The following PRAM1 variants were observed in gnomAD, a reference collection of about 807,000 sequenced individuals.
The protein encoded by PRAM1 is PML-RARA regulated adaptor molecule 1, also known as PML-RARA-regulated adapter molecule 1.
In PRAM1, 41 loss-of-function variants were observed where a neutral mutation model predicts 55.3. That is an observed-to-expected ratio of 0.74 (90% CI 0.58 to 0.96). The LOEUF (loss-of-function observed/expected upper bound fraction) is 0.96. Among genes scored for constraint, PRAM1 ranks in the 40% least tolerant of loss-of-function variants. The pLI, the probability that PRAM1 is intolerant of heterozygous loss-of-function variation, is 0.00. For synonymous variants in PRAM1, 401 were observed against 387.1 expected (o/e 1.04, Z -0.42); for missense variants, 898 against 892.7 (o/e 1.01, Z -0.08).
intron 4 of PRAM1, among the ~76,000 whole-genome samples, chr19:8,496,524 A>C (rs1450715833): frequency 2.0e-5 from 3 of 152,064 alleles, no homozygotes; most frequent in African/African-American, 7.2e-5. Flanking sequence ...CAGGAGCTTG[A>C]GACCAGCCTA....
chr19:8,490,523 G>A lies in PRAM1; in HGVS notation c.1907-14C>T, dbSNP rs769237386. 1 of 1,608,978 alleles carries A rather than the reference G, an allele frequency of 6.2e-7. No individual in the cohort carries two copies. Among genetic ancestry groups the A allele is most frequent in the Non-Finnish European group, 8.5e-7 (1 of 1,177,922 alleles). Reference sequence around the variant, plus strand: ...GCACGTAGCCATCTGTGGAGAGAGTGGGCATGGTGGGTTCTGAGGCCCAGG... The same window carrying A: ...GCACGTAGCCATCTGTGGAGAGAGTAGGCATGGTGGGTTCTGAGGCCCAGG... On this transcript the variant is annotated splice_polypyrimidine_tract_variant and intron_variant, in intron 7 of 9. Transcript: ENST00000423345. The surrounding 1 kb of genome is among the most constrained non-coding windows in gnomAD (Gnocchi z 7.3).
At position 8,490,356 on chromosome 19, in the gene PRAM1, C is replaced by G; in HGVS notation, c.1957G>C (p.Asp653His). Reference protein sequence around the residue: ...ALLPLETEVYDDVDFCDPLEN... With the variant: ...ALLPLETEVYHDVDFCDPLEN... ...CACGTACCGCAGAAGTCGACATCAT[C>G]GTACACCTCCGTCTCCCTGGCAGAG... Residue 653 changes from aspartate (D) to histidine (H), a missense_variant, in exon 9 of 10, where the codon GAT (aspartate) becomes CAT (histidine). Physicochemically the swap from Asp to His is moderately conservative, Grantham distance 81. Coordinates refer to ENST00000423345, the MANE Select transcript of PRAM1 (RefSeq NM_032152.5). The surrounding 1 kb of genome is among the most constrained non-coding windows in gnomAD (Gnocchi z 7.3). The G allele has an allele frequency of 6.2e-7, 1 of 1,614,006 alleles. No individual in the cohort carries two copies. The highest frequency in any genetic ancestry group is 8.5e-7 in the Non-Finnish European group (1 of 1,179,894).
rs201139615 is a variant in PRAM1 at position 8,498,586 on chromosome 19, G to A, written c.1222C>T (p.Pro408Ser). The stretch of plus-strand genomic sequence containing the variant: ...GGTGTCCCAGCCGCTCCAAACCCAG[G>A]GCTGAGCGGGTGCCGGGAGCTGAAG... ...AGFSSRHPLS[P>S]GFGAAGTPRW... The change falls in exon 2 of 10, where the codon CCT becomes TCT. Residue 408 changes from proline to serine, a missense_variant. Coordinates refer to ENST00000423345, the MANE Select transcript of PRAM1 (RefSeq NM_032152.5). The A allele has an allele frequency of 5.0e-6, 8 of 1,612,526 alleles. No homozygotes were observed. The South Asian group carries it at 5.5e-5, about 11-fold the overall frequency.
At chr19:8,501,306 G>A (rs1316563684) in intron 1 of PRAM1, among the ~76,000 whole-genome samples, 4 of 151,092 alleles carry the variant, frequency 2.6e-5, no homozygotes, top group Admixed American at 2.0e-4. Flanking sequence ...TGTTGGCCAG[G>A]CTGGTCTCGA....
At chr19:8,497,943 T>C (rs1181368503) in intron 3 of PRAM1, 103 bp from the exon 4 acceptor site, 11 of 860,202 alleles carry the variant, frequency 1.3e-5, no homozygotes, top group South Asian at 1.8e-5. Flanking sequence ...TGCAGGGGCA[T>C]GATCTCGGGC....
chr19:8,497,955 C>G, intron 3 of PRAM1, 115 bp from the exon 4 acceptor site: 1 of 795,554 alleles, frequency 1.3e-6, no homozygotes, highest in East Asian at 2.8e-5. Context: ...ATCTCGGGCT[C>G]ACTGCAGCCT....
intron 4 of PRAM1, among the ~76,000 whole-genome samples, chr19:8,495,263 C>A (rs748277004): frequency 6.6e-6 from 1 of 152,004 alleles, no homozygotes; most frequent in Non-Finnish European, 1.5e-5. Flanking sequence ...CCACACCTGG[C>A]GAATTTTTGT....
chr19:8,495,707 AT>A (rs1235301712), intron 4 of PRAM1, among the ~76,000 whole-genome samples: 5 of 148,306 alleles, frequency 3.4e-5, no homozygotes, highest in Non-Finnish European at 7.4e-5. Flanking sequence ...TTAAGGACGG[AT>A]TTAAGGACAG....
rs1217990585 is a variant in PRAM1, at chr19:8,498,426, G to A, written c.1382C>T (p.Pro461Leu). Residue 461 changes from proline (P) to leucine (L), a missense_variant, in exon 2 of 10, where the codon CCG (proline) becomes CTG (leucine). Pro to Leu is a moderately conservative substitution (Grantham distance 98). Around this residue, in one of 4 missense-constraint regions of PRAM1, gnomAD observed 787 missense variants for 735.4 expected, o/e 1.07. Transcript: ENST00000423345. ...AAAGCTCTGCATATCCACGGGCCCCGGGGGCAGCGGGGGCTTGGCTGGAGG... is the reference window on the plus strand; with the variant it reads ...AAAGCTCTGCATATCCACGGGCCCCAGGGGCAGCGGGGGCTTGGCTGGAGG... ...GHPPAKPPLP[P>L]GPVDMQSFRR... 3 of 1,574,918 alleles carry A rather than the reference G, an allele frequency of 1.9e-6. No homozygotes were observed. Among genetic ancestry groups the A allele is most frequent in the Non-Finnish European group, 2.6e-6 (3 of 1,159,738 alleles).
At position 8,499,317 on chromosome 19, in the gene PRAM1, G is replaced by C. The variant is rs1014602389; in HGVS notation, c.491C>G (p.Ala164Gly). Residue 164 changes from alanine (A) to glycine (G), a missense_variant, in exon 2 of 10, where the codon GCC becomes GGC. Coordinates refer to ENST00000423345, the MANE Select transcript of PRAM1 (RefSeq NM_032152.5). ...TTCGTCGGGCTGCAGGGGTTTCCGG[G>C]CCGGCGCACCAGGCTCCGGCAGCGA... is the stretch of plus-strand genomic sequence containing the variant. ...KASLPEPGAP[A>G]RKPLQPDELS... The C allele has an allele frequency of 1.4e-5, 23 of 1,610,390 alleles. No individual in the cohort carries two copies. Among genetic ancestry groups the C allele is most frequent in the Non-Finnish European group, 2.0e-5 (23 of 1,178,678 alleles).
rs372935973 is a variant in PRAM1, at chr19:8,490,765, C to T, written c.1744-9G>A. ...ACGATCTCCCCTTCAAACTGGGGCG[C>T]GAGATGTTAGGGCCTCTGCTTGTGC... On this transcript the variant is annotated splice_polypyrimidine_tract_variant and intron_variant, in intron 6 of 9. Transcript: ENST00000423345. This position sits in a 1 kb window ranked among gnomAD's most constrained non-coding sequence, Gnocchi z 7.3. 28 of 1,607,956 alleles carry T rather than the reference C, an allele frequency of 1.7e-5. No individual in the cohort carries two copies. The highest frequency in any genetic ancestry group is 5.0e-5 in the Admixed American group (3 of 59,974).
Position 8,490,183 on chromosome 19 carries a change from C to A in PRAM1, c.*6G>T. The A allele has an allele frequency of 6.4e-7, 1 of 1,570,788 alleles. No homozygotes were observed. ...GCTGGCTGTCCTGGCCCCACGCCTA[C>A]CGGTCTTACCGTCCCAGGGGGAGTG... On this transcript the variant is annotated 3_prime_UTR_variant, in exon 10 of 10. Coordinates refer to ENST00000423345, the MANE Select transcript of PRAM1 (RefSeq NM_032152.5). The surrounding 1 kb of genome is among the most constrained non-coding windows in gnomAD (Gnocchi z 7.3).
chr19:8,497,072 T>C (rs903135977), intron 4 of PRAM1, among the ~76,000 whole-genome samples: 15 of 151,850 alleles, frequency 9.9e-5, no homozygotes, highest in African/African-American at 3.1e-4. Context: ...GATGGATGAA[T>C]GAATGGAACC....
At chr19:8,497,865 C>CTT in intron 3 of PRAM1, 25 bp from the exon 4 acceptor site, 1 of 1,018,672 alleles carries the variant, frequency 9.8e-7, no homozygotes, top group Non-Finnish European at 1.4e-6. Flanking sequence ...GAGATGAGGC[C>CTT]TCTTCTTTTT....
chr19:8,495,685 G>A (rs1156417017), intron 4 of PRAM1, among the ~76,000 whole-genome samples: 2 of 151,878 alleles, frequency 1.3e-5, no homozygotes, highest in African/African-American at 2.4e-5. Flanking sequence ...CTTTGGAGTG[G>A]AGGGTACGGA....
intron 1 of PRAM1, among the ~76,000 whole-genome samples, chr19:8,500,317 A>T (rs970136699): frequency 6.6e-6 from 1 of 151,726 alleles, no homozygotes; most frequent in East Asian, 1.9e-4. Context: ...CCGGAATCCA[A>T]CCACTTCTCA....
chr19:8,490,814 C>T lies in PRAM1; in HGVS notation c.1744-58G>A. On this transcript the variant is annotated intron_variant, in intron 6 of 9. Coordinates refer to ENST00000423345, the MANE Select transcript of PRAM1 (RefSeq NM_032152.5). This position sits in a 1 kb window ranked among gnomAD's most constrained non-coding sequence, Gnocchi z 7.3. ...GCTGCCGCCCTTGGGCCCCTGTCTT[C>T]TTTCTGAGCCTGGGATCGGTGGGAC... is the stretch of plus-strand genomic sequence containing the variant. 1 of 1,607,402 alleles carries T rather than the reference C, an allele frequency of 6.2e-7. No homozygotes were observed. The highest frequency in any genetic ancestry group is 1.1e-5 in the South Asian group (1 of 91,066).
chr19:8,490,084 G>T lies in PRAM1; in HGVS notation c.*105C>A. On this transcript the variant is annotated 3_prime_UTR_variant, in exon 10 of 10. Transcript: ENST00000423345. The surrounding 1 kb of genome is among the most constrained non-coding windows in gnomAD (Gnocchi z 7.3). ...TTTAAACTGGGGCTTTATGTGGCCA[G>T]GTACAAGCCCAGGCAGCTCTGTGAC... 1 of 1,156,804 alleles carries T rather than the reference G, an allele frequency of 8.6e-7. No homozygotes were observed. Among genetic ancestry groups the T allele is most frequent in the Non-Finnish European group, 1.2e-6 (1 of 832,700 alleles). The allele number at this position is 1,156,804 out of a possible 1,614,324, so 71.7% of individuals were successfully genotyped here.
chr19:8,498,070 G>A (rs1490340195), intron 3 of PRAM1, among the ~76,000 whole-genome samples, 153 bp downstream of exon 3: 2 of 151,826 alleles, frequency 1.3e-5, no homozygotes, highest in Admixed American at 1.3e-4. Flanking sequence ...TTAGTAGACG[G>A]GGTTTCACCA....
Sources: allele counts gnomAD v4.1 joint callset (sites outside exome capture counted in the v4.1 genomes callset), GRCh38; gene constraint gnomAD v4.1.1; regional missense constraint gnomAD v4.1.1; non-coding constraint Gnocchi (gnomAD v3.1); transcripts MANE v1.5; gene names NCBI Gene and HGNC (gene_info 2026-07-23, HGNC 2026-07-21).